The following BCKDHB variants were observed in gnomAD, a reference collection of about 807,000 sequenced individuals.
BCKDHB encodes 2-oxoisovalerate dehydrogenase subunit beta, mitochondrial.
Under a neutral mutation model 48.5 loss-of-function variants are expected in BCKDHB, and 41 were observed. That is an observed-to-expected ratio of 0.85 (90% CI 0.66 to 1.10). The LOEUF is 1.10. Ranked by LOEUF, BCKDHB falls within the 50% of genes least tolerant of loss-of-function variation. The pLI is 0.00. For synonymous variants in BCKDHB, 201 were observed against 174.8 expected (o/e 1.15, Z -1.18); for missense variants, 496 against 494.2 (o/e 1.00, Z -0.03).
At chr6:80,119,877 T>C (rs1769912085) in intron 1 of BCKDHB, among the ~76,000 whole-genome samples, 1 of 151,626 alleles carries the variant, frequency 6.6e-6, no homozygotes, top group South Asian at 2.1e-4. Flanking sequence ...ATTTTTTTTT[T>C]CATTATACTT....
At chr6:80,169,841 A>G in intron 5 of BCKDHB, 2 of 1,608,400 alleles carry the variant, frequency 1.2e-6, no homozygotes, top group Non-Finnish European at 1.7e-6. Flanking sequence ...TTAGTTGAGT[A>G]GATGTTGCCT....
At chr6:80,264,146 A>G (rs1157968052) in intron 8 of BCKDHB, among the ~76,000 whole-genome samples, 1 of 152,182 alleles carries the variant, frequency 6.6e-6, no homozygotes, top group Non-Finnish European at 1.5e-5. Context: ...TAATCTTTAA[A>G]TTAATTTCTT....
intron 8 of BCKDHB, among the ~76,000 whole-genome samples, chr6:80,234,986 G>A (rs1776089100): frequency 6.6e-6 from 1 of 152,200 alleles, no homozygotes; most frequent in Non-Finnish European, 1.5e-5. Flanking sequence ...CTAGTGAGCA[G>A]AATAGTGGTA....
At chr6:80,400,326 A>G in the BCKDHB span, among the ~76,000 whole-genome samples, 1 of 152,114 alleles carries the variant, frequency 6.6e-6, no homozygotes, top group Non-Finnish European at 1.5e-5. Context: ...TATGCATCTG[A>G]CAAAGGTCTA....
At chr6:80,201,141 T>A in intron 7 of BCKDHB, 110 bp downstream of exon 7, 1 of 898,332 alleles carries the variant, frequency 1.1e-6, no homozygotes, top group Non-Finnish European at 1.8e-6. Flanking sequence ...TATCTCAGAT[T>A]AAGTCTGGTG....
intron 8 of BCKDHB, among the ~76,000 whole-genome samples, chr6:80,212,577 C>T (rs1418918611): frequency 6.6e-6 from 1 of 152,120 alleles, no homozygotes; most frequent in Admixed American, 6.5e-5. Context: ...TCAATTTATA[C>T]AGTTAACATA....
chr6:80,112,098 C>T (rs1014254366), intron 1 of BCKDHB, among the ~76,000 whole-genome samples: 3 of 152,164 alleles, frequency 2.0e-5, no homozygotes, highest in African/African-American at 7.2e-5. Flanking sequence ...TATGAGCGCT[C>T]CTTTAATTAT....
At chr6:80,311,157 G>T (rs1039706354) in intron 9 of BCKDHB, among the ~76,000 whole-genome samples, 1 of 151,586 alleles carries the variant, frequency 6.6e-6, no homozygotes, top group Admixed American at 6.6e-5. Context: ...TTTTAAAAAG[G>T]GGAGTTTCCC....
At chr6:80,185,028 G>A (rs1346607910) in intron 6 of BCKDHB, among the ~76,000 whole-genome samples, 1 of 152,146 alleles carries the variant, frequency 6.6e-6, no homozygotes, top group Non-Finnish European at 1.5e-5. Context: ...CCTCTAATAA[G>A]TTTTCTGAAC....
At chr6:80,411,780 G>T in the BCKDHB span, among the ~76,000 whole-genome samples, 1 of 152,260 alleles carries the variant, frequency 6.6e-6, no homozygotes, top group Non-Finnish European at 1.5e-5. Flanking sequence ...CCAGGCACGG[G>T]AGGGAATCTC....
rs1042856774 is a variant in BCKDHB at position 80,231,705 on chromosome 6, G to A, written c.951+28493G>A. The stretch of plus-strand genomic sequence containing the variant: ...GTTGGGGCCAGGCGCAGTGGCTTAT[G>A]CCTGTAATCCCAACACTTTGGGAGG... On this transcript the variant is annotated intron_variant, in intron 8 of 9. Coordinates refer to ENST00000320393, the MANE Select transcript of BCKDHB (RefSeq NM_183050.4). 3.9e-5 allele frequency among the ~76,000 whole-genome samples: 6 copies of A among 152,350 alleles called. No homozygotes were observed. The South Asian group carries it at 1.0e-3, about 26-fold the overall frequency.
intron 8 of BCKDHB, among the ~76,000 whole-genome samples, chr6:80,230,148 C>G (rs908114764): frequency 7.1e-6 from 1 of 141,808 alleles, no homozygotes; most frequent in Non-Finnish European, 1.5e-5. Context: ...ATGCCATTCT[C>G]CTGCCTCAGC....
At chr6:80,110,806 G>A (rs1282506244) in intron 1 of BCKDHB, among the ~76,000 whole-genome samples, 2 of 152,198 alleles carry the variant, frequency 1.3e-5, no homozygotes, top group Non-Finnish European at 2.9e-5. Flanking sequence ...CTTGCTTCCA[G>A]CTTAATTGGG....
At chr6:80,171,237 G>T (rs374199262) in intron 5 of BCKDHB, 45 bp from the exon 6 acceptor site, 6 of 1,135,974 alleles carry the variant, frequency 5.3e-6, no homozygotes, top group African/African-American at 3.1e-5. Context: ...AGTTTACTGG[G>T]ATATATTTTT....
chr6:80,192,238 AT>A (rs1158157192), intron 6 of BCKDHB, among the ~76,000 whole-genome samples: 1 of 151,726 alleles, frequency 6.6e-6, no homozygotes, highest in African/African-American at 2.4e-5. Context: ...TTATTGAAAT[AT>A]TTTTTTCTAT....
the BCKDHB span, among the ~76,000 whole-genome samples, chr6:80,386,971 C>A: frequency 1.3e-5 from 2 of 152,102 alleles, no homozygotes; most frequent in African/African-American, 4.8e-5. Flanking sequence ...TGCAGTGAAT[C>A]TTTCTCCCAT....
intron 8 of BCKDHB, among the ~76,000 whole-genome samples, chr6:80,260,511 T>C (rs1204121560): frequency 1.3e-5 from 2 of 152,106 alleles, no homozygotes; most frequent in Admixed American, 1.3e-4. Context: ...AAGTACAATA[T>C]GGGGAAGAGC....
intron 6 of BCKDHB, among the ~76,000 whole-genome samples, chr6:80,196,482 G>A (rs1774136514): frequency 6.6e-6 from 1 of 151,972 alleles, no homozygotes; most frequent in Non-Finnish European, 1.5e-5. Context: ...TTATTTGTTG[G>A]CTTATAAATC....
intron 3 of BCKDHB, among the ~76,000 whole-genome samples, chr6:80,138,758 A>C (rs1771028854): frequency 6.6e-6 from 1 of 152,180 alleles, no homozygotes; most frequent in Admixed American, 6.5e-5. Flanking sequence ...TGTGTGAATA[A>C]ACATACGTGT....
Sources: allele counts gnomAD v4.1 joint callset (sites outside exome capture counted in the v4.1 genomes callset), GRCh38; gene constraint gnomAD v4.1.1; transcripts MANE v1.5; gene names NCBI Gene and HGNC (gene_info 2026-07-23, HGNC 2026-07-21).